The following GALNT17 variants were observed in gnomAD, a reference collection of about 807,000 sequenced individuals.
GALNT17 encodes UDP-GalNAc:polypeptide N-acetylgalactosaminyltransferase-like 3.
Under a neutral mutation model 63.7 loss-of-function variants are expected in GALNT17, and 29 were observed. The observed-to-expected ratio is 0.46, with a 90% CI of 0.34 to 0.62. The LOEUF (loss-of-function observed/expected upper bound fraction) is 0.62, where lower values mean the gene tolerates loss of function less well. Ranked by LOEUF, GALNT17 falls within the 20% of genes least tolerant of loss-of-function variation. GALNT17 has a pLI of 0.01. For synonymous variants in GALNT17, 305 were observed against 318.3 expected (o/e 0.96, Z 0.45); for missense variants, 603 against 799.6 (o/e 0.75, Z 2.97).
intron 5 of GALNT17, among the ~76,000 whole-genome samples, chr7:71,528,398 A>G (rs1031789744): frequency 6.6e-6 from 1 of 152,188 alleles, no homozygotes; most frequent in African/African-American, 2.4e-5. Context: ...ACTGTGTGGC[A>G]TAACCAGTGA....
intron 5 of GALNT17, among the ~76,000 whole-genome samples, chr7:71,442,090 C>T (rs111331770): frequency 0.013 from 1,949 of 152,308 alleles, 39 homozygotes; most frequent in African/African-American, 0.044. Flanking sequence ...AACTGATTTA[C>T]AGTCCCACCA....
chr7:71,672,027 CAAAAAAAAAAAAAAAAAA>C (rs55777129), intron 8 of GALNT17, among the ~76,000 whole-genome samples: 1 of 104,932 alleles, frequency 9.5e-6, no homozygotes, highest in African/African-American at 3.5e-5. Context: ...GACTCTGTCT[CAAAAAAAAAAAAAAAAAA>C]AAAATGGTAC....
chr7:71,213,332 A>G (rs1287409771), intron 1 of GALNT17, among the ~76,000 whole-genome samples: 1 of 152,210 alleles, frequency 6.6e-6, no homozygotes, highest in Non-Finnish European at 1.5e-5. Context: ...GCCATGTGGA[A>G]CTGTAAGTCC....
At chr7:71,519,936 AAG>A (rs1241636608) in intron 5 of GALNT17, among the ~76,000 whole-genome samples, 14 of 152,342 alleles carry the variant, frequency 9.2e-5, no homozygotes, top group Admixed American at 5.9e-4. Context: ...ATAAAATAAT[AAG>A]AGAGAAAGAA....
At chr7:71,357,679 G>A (rs1033886162) in intron 2 of GALNT17, among the ~76,000 whole-genome samples, 13 of 152,138 alleles carry the variant, frequency 8.5e-5, no homozygotes, top group South Asian at 2.1e-4. Context: ...GGTCAAGGTG[G>A]GTGGATCATT....
At chr7:71,513,379 T>C (rs1205804587) in intron 5 of GALNT17, among the ~76,000 whole-genome samples, 1 of 152,060 alleles carries the variant, frequency 6.6e-6, no homozygotes, top group Non-Finnish European at 1.5e-5. Flanking sequence ...TTTTTGTTTT[T>C]TTGTTTTTTT....
intron 1 of GALNT17, among the ~76,000 whole-genome samples, chr7:71,289,988 T>G (rs1341823411): frequency 2.6e-5 from 4 of 151,864 alleles, no homozygotes; most frequent in African/African-American, 7.3e-5. Context: ...GAGGTTGCAG[T>G]GAGCTGACAT....
At chr7:71,493,566 C>G (rs1288627897) in intron 5 of GALNT17, among the ~76,000 whole-genome samples, 2 of 152,082 alleles carry the variant, frequency 1.3e-5, no homozygotes, top group Non-Finnish European at 2.9e-5. Flanking sequence ...AAAGGGAAAC[C>G]CCTTATACAA....
chr7:71,143,838 G>A (rs1007507639), intron 1 of GALNT17, among the ~76,000 whole-genome samples: 8 of 151,420 alleles, frequency 5.3e-5, no homozygotes, highest in Non-Finnish European at 8.8e-5. Flanking sequence ...CTGGGAGTTC[G>A]AGACCAGCCT....
chr7:71,562,999 T>C (rs559882880), intron 5 of GALNT17, among the ~76,000 whole-genome samples: 1 of 152,352 alleles, frequency 6.6e-6, no homozygotes, highest in East Asian at 1.9e-4. Context: ...TATGTCTTGG[T>C]GCAAATATCG....
intron 2 of GALNT17, among the ~76,000 whole-genome samples, chr7:71,342,353 C>G (rs902366005): frequency 1.3e-5 from 2 of 152,158 alleles, no homozygotes; most frequent in Admixed American, 6.5e-5. Context: ...ACTCACTCAT[C>G]ATCCAGAGGA....
chr7:71,612,313 A>T (rs1337331388), intron 6 of GALNT17, among the ~76,000 whole-genome samples: 2 of 152,212 alleles, frequency 1.3e-5, no homozygotes, highest in Non-Finnish European at 2.9e-5. Flanking sequence ...GCACAACCAC[A>T]TACCCCATCT....
At chr7:71,543,299 A>G (rs1788924852) in intron 5 of GALNT17, among the ~76,000 whole-genome samples, 1 of 152,180 alleles carries the variant, frequency 6.6e-6, no homozygotes, top group South Asian at 2.1e-4. Flanking sequence ...ATGTGCTAGA[A>G]GCCAATATTA....
intron 2 of GALNT17, among the ~76,000 whole-genome samples, chr7:71,382,800 TAGAG>T (rs905786240): frequency 1.3e-5 from 2 of 151,820 alleles, no homozygotes; most frequent in African/African-American, 2.4e-5. Flanking sequence ...GATGGGGAGG[TAGAG>T]AGAGAGAATG....
intron 1 of GALNT17, among the ~76,000 whole-genome samples, chr7:71,271,959 A>G (rs972135265): frequency 3.9e-5 from 6 of 152,218 alleles, no homozygotes; most frequent in East Asian, 1.9e-4. Context: ...GGGTCTCCCT[A>G]TGTTGGCCAG....
chr7:71,590,526 T>G (rs959043549), intron 6 of GALNT17, among the ~76,000 whole-genome samples: 1 of 152,200 alleles, frequency 6.6e-6, no homozygotes, highest in South Asian at 2.1e-4. Flanking sequence ...GTTGGGACTT[T>G]AGTGATGTGG....
At chr7:71,391,871 G>T (rs989680538) in intron 3 of GALNT17, among the ~76,000 whole-genome samples, 1 of 152,072 alleles carries the variant, frequency 6.6e-6, no homozygotes, top group Non-Finnish European at 1.5e-5. Context: ...CATCTGCTTG[G>T]CTTCTGGTGA....
intron 2 of GALNT17, among the ~76,000 whole-genome samples, chr7:71,359,881 G>T (rs1792366256): frequency 6.6e-6 from 1 of 152,144 alleles, no homozygotes; most frequent in African/African-American, 2.4e-5. Flanking sequence ...ATCCAGGGTT[G>T]ATTTCCGTTT....
At chr7:71,464,861 T>A (rs986872567) in intron 5 of GALNT17, among the ~76,000 whole-genome samples, 1 of 147,442 alleles carries the variant, frequency 6.8e-6, no homozygotes, top group Non-Finnish European at 1.5e-5. Flanking sequence ...AGAGTTACAA[T>A]TGCAGCTGAG....
Sources: gnomAD v4.1 joint callset for allele counts (sites outside exome capture counted in the v4.1 genomes callset) on GRCh38, gnomAD v4.1.1 for gene constraint, MANE v1.5 for transcripts, NCBI Gene and HGNC (gene_info 2026-07-23, HGNC 2026-07-21) for gene names.